IQSEC2: variants seen among roughly 807,000 people sequenced by gnomAD.
The protein encoded by IQSEC2 is IQ motif and Sec7 domain ArfGEF 2.
In IQSEC2, 6 loss-of-function variants were observed where a neutral mutation model predicts 74.6. That is an observed-to-expected ratio of 0.08 (90% CI 0.04 to 0.16). IQSEC2 has a LOEUF of 0.16. IQSEC2 is among the 10% of genes least tolerant of loss of function. The probability of loss-of-function intolerance (pLI) is 1.00; values close to 1 mark genes in which losing one functional copy is unlikely to be tolerated. For synonymous variants in IQSEC2, 494 were observed against 544.5 expected, an observed-to-expected ratio of 0.91 and a Z score of 1.29; for missense variants, 734 against 1,306.2, an observed-to-expected ratio of 0.56 and a Z score of 6.75.
At chrX:53,274,682 C>T (rs2074800124) in intron 2 of IQSEC2, among the ~76,000 whole-genome samples, 1 of 109,526 alleles carries the variant, frequency 9.1e-6, no homozygotes, top group African/African-American at 3.3e-5. Flanking sequence ...AGGATGGTCT[C>T]GATCTCCTGA....
downstream of IQSEC2, chrX:53,230,720 T>C (rs1165677923): frequency 2.7e-5 from 3 of 112,998 alleles, no homozygotes; most frequent in African/African-American, 6.4e-5. Flanking sequence ...TTCTTTGTTA[T>C]GTGTTGTCTG....
rs190271209 is a variant in IQSEC2 at position 53,274,885 on chromosome X, A to G, written c.737+17010T>C. The stretch of plus-strand genomic sequence containing the variant: ...TCTCTCCATTTTGAATGGGTTTTGT[A>G]TCTTTTTCTTACTAGTTTCCAGAAG... On this transcript the variant is annotated intron_variant, in intron 2 of 14. Transcript: ENST00000642864. Among the ~76,000 whole-genome samples the G allele has an allele frequency of 1.8e-4, 20 of 111,224 alleles. No homozygotes were observed. In the East Asian group the frequency reaches 5.6e-3, roughly 31 times the overall value.
At chrX:53,241,028 G>A (rs956526413) in intron 10 of IQSEC2, among the ~76,000 whole-genome samples, 1 of 111,712 alleles carries the variant, frequency 9.0e-6, no homozygotes, top group Admixed American at 9.5e-5. Context: ...CACCCACCTC[G>A]GCCTCCCAAA....
intron 8 of IQSEC2, among the ~76,000 whole-genome samples, chrX:53,243,784 T>G (rs1556861480): frequency 8.9e-6 from 1 of 112,147 alleles, no homozygotes; most frequent in African/African-American, 3.2e-5. Flanking sequence ...CTAGGAAGAG[T>G]GCAGGGAAGT....
rs181516940 is a variant in IQSEC2, at chrX:53,242,095, T to A, written c.2890-186A>T. ...TGCCTTTGCCCTTCTGTCTGGAATGTCTTTCTTGCCCAGCTCTGCATGGTC... is the reference window on the plus strand; with the variant it reads ...TGCCTTTGCCCTTCTGTCTGGAATGACTTTCTTGCCCAGCTCTGCATGGTC... On this transcript the variant is annotated intron_variant, in intron 9 of 14. Transcript: ENST00000642864. 4.0e-3 allele frequency among the ~76,000 whole-genome samples: 453 copies of A among 111,882 alleles called. 2 individuals carry two copies. Among genetic ancestry groups the A allele is most frequent in the African/African-American group, 0.014 (435 of 30,782 alleles).
At position 53,321,190 on chromosome X, in the gene IQSEC2, T is replaced by G; in HGVS notation, c.-67A>C. On this transcript the variant is annotated 5_prime_UTR_variant, in exon 1 of 15. Transcript: ENST00000642864. ...TCCCCGCTCTCTCACGGCGCCACCC[T>G]CCCCCGGGCCCAGCCGGGGGAGGGG... is the stretch of plus-strand genomic sequence containing the variant. The G allele has an allele frequency of 5.0e-5, 31 of 620,823 alleles. No individual in the cohort carries two copies. Among genetic ancestry groups the G allele is most frequent in the African/African-American group, 7.4e-5 (3 of 40,585 alleles). The allele number at this position is 620,823 out of a possible 1,213,427, so 51.2% of individuals were successfully genotyped here.
chrX:53,308,542 T>C (rs1024011186), intron 1 of IQSEC2, among the ~76,000 whole-genome samples: 2 of 111,140 alleles, frequency 1.8e-5, no homozygotes, highest in African/African-American at 6.5e-5. Flanking sequence ...AGATAAAGCA[T>C]TGAAAACATA....
intron 1 of IQSEC2, among the ~76,000 whole-genome samples, chrX:53,317,963 C>T (rs782701292): frequency 8.9e-6 from 1 of 112,348 alleles, no homozygotes; most frequent in South Asian, 3.7e-4. Flanking sequence ...AGACTCATCT[C>T]CTCCTGCTCA....
intron 2 of IQSEC2, among the ~76,000 whole-genome samples, chrX:53,266,095 TCTC>T (rs1251478783): frequency 1.8e-5 from 2 of 111,892 alleles, no homozygotes; most frequent in East Asian, 2.8e-4. Flanking sequence ...ATCCAACCCT[TCTC>T]CTTTTTATAG....
intron 2 of IQSEC2, chrX:53,266,789 G>A: frequency 9.4e-7 from 1 of 1,058,245 alleles, no homozygotes; most frequent in Non-Finnish European, 1.2e-6. Context: ...AGACAGCAGT[G>A]GGGATGGGAA....
At chrX:53,253,027 C>T (rs1268454858) in intron 4 of IQSEC2, among the ~76,000 whole-genome samples, 2 of 111,997 alleles carry the variant, frequency 1.8e-5, no homozygotes, top group African/African-American at 6.5e-5. Flanking sequence ...AATGAACAGA[C>T]GAATGATATA....
At chrX:53,257,473 C>T (rs1754645543) in intron 2 of IQSEC2, among the ~76,000 whole-genome samples, 1 of 111,884 alleles carries the variant, frequency 8.9e-6, no homozygotes, top group African/African-American at 3.3e-5. Flanking sequence ...GGGGCGGTGG[C>T]CCTGACATCA....
intron 1 of IQSEC2, among the ~76,000 whole-genome samples, chrX:53,303,552 G>A (rs782812745): frequency 1.8e-4 from 20 of 111,416 alleles, no homozygotes; most frequent in Admixed American, 1.6e-3. Context: ...TGTAATCCCA[G>A]CTCTTTGGGA....
In IQSEC2 at chrX:53,250,429, G is replaced by T. The variant is rs781891681; in HGVS notation, c.2147C>A (p.Ser716Tyr). 8.3e-7 allele frequency: 1 copy of T among 1,211,841 alleles called. No homozygotes were observed. Reference protein sequence around the residue: ...NETINCSSGSSSRDSLREPPA... With the variant: ...NETINCSSGSYSRDSLREPPA... ...AGGCTCCCTTAGACTGTCCCGAGAA[G>T]AGGAGCCGGAGCTGCAGTTGATGGT... Residue 716 changes from serine to tyrosine, a missense_variant, in exon 5 of 15, where the codon TCT becomes TAT. Transcript: ENST00000642864.
Position 53,234,850 on chromosome X carries a change from G to A in IQSEC2, c.3836C>T (p.Pro1279Leu), listed in dbSNP as rs1414926823. ...AQYCQGPGPA[P>L]PPYLPPQQPS... The stretch of plus-strand genomic sequence containing the variant: ...CTGCTGGGGTGGGAGGTAGGGTGGC[G>A]GGGCAGGGCCCGGTCCTTGGCAATA... The change falls in exon 15 of 15, where the codon CCG becomes CTG. Residue 1279 changes from proline (P) to leucine (L), a missense_variant. Pro to Leu is a moderately conservative substitution (Grantham distance 98, BLOSUM62 -3). This residue lies in a region of IQSEC2 where 249 missense variants were observed against 467.9 expected (regional missense o/e 0.53). Transcript: ENST00000642864. 11 of 1,140,749 alleles carry A rather than the reference G, an allele frequency of 9.6e-6. No homozygotes were observed. The highest frequency in any genetic ancestry group is 8.1e-5 in the South Asian group (4 of 49,667). The allele number at this position is 1,140,749 out of a possible 1,213,427, so 94.0% of individuals were successfully genotyped here.
At chrX:53,262,421 A>G (rs951807065) in intron 2 of IQSEC2, among the ~76,000 whole-genome samples, 1 of 112,248 alleles carries the variant, frequency 8.9e-6, no homozygotes, top group Admixed American at 9.4e-5. Flanking sequence ...GATGAGGGCA[A>G]GAGGAAGCTA....
At chrX:53,303,907 G>T (rs2075235804) in intron 1 of IQSEC2, among the ~76,000 whole-genome samples, 1 of 110,222 alleles carries the variant, frequency 9.1e-6, no homozygotes, top group African/African-American at 3.3e-5. Flanking sequence ...GAGGCGGGTG[G>T]ATCACAAGGT....
In IQSEC2 at chrX:53,320,661, C is replaced by T; in HGVS notation, c.463G>A (p.Ala155Thr). 1 of 1,164,980 alleles carries T rather than the reference C, an allele frequency of 8.6e-7. No homozygotes were observed. Among genetic ancestry groups the T allele is most frequent in the Non-Finnish European group, 1.1e-6 (1 of 871,518 alleles). Reference protein sequence around the residue: ...TGYTARERDVAQCHLHHENPA... With the variant: ...TGYTARERDVTQCHLHHENPA... ...TTCTCGTGGTGCAGGTGGCACTGGG[C>T]CACGTCACGCTCGCGGGCTGTGTAA... The change falls in exon 1 of 15, where the codon GCC becomes ACC. Residue 155 changes from alanine to threonine, a missense_variant. Physicochemically the swap from Ala to Thr is moderately conservative, Grantham distance 58. This residue lies in a region of IQSEC2 where 134 missense variants were observed against 214.9 expected (regional missense o/e 0.62). Coordinates refer to ENST00000642864, the MANE Select transcript of IQSEC2 (RefSeq NM_001111125.3).
At chrX:53,252,387 A>T (rs782132816) in intron 4 of IQSEC2, among the ~76,000 whole-genome samples, 3 of 111,292 alleles carry the variant, frequency 2.7e-5, no homozygotes, top group Non-Finnish European at 5.7e-5. Context: ...AAAAAAAAAA[A>T]AAAACTGCAA....
Sources: gnomAD v4.1 joint callset for allele counts (sites outside exome capture counted in the v4.1 genomes callset) on GRCh38, gnomAD v4.1.1 for gene constraint, gnomAD v4.1.1 regional missense constraint, MANE v1.5 for transcripts, NCBI Gene and HGNC (gene_info 2026-07-23, HGNC 2026-07-21) for gene names.